LPAR1: variants seen among roughly 807,000 people sequenced by gnomAD.
The protein encoded by LPAR1 is lysophosphatidic acid receptor 1.
LPAR1 carries 5 observed loss-of-function variants against 23.8 expected under a neutral mutation model. That is an observed-to-expected ratio of 0.21 (90% CI 0.11 to 0.44). The LOEUF is 0.44. Among genes scored for constraint, LPAR1 ranks in the 20% least tolerant of loss-of-function variants. The probability of loss-of-function intolerance (pLI) is 0.99; values close to 1 mark genes in which losing one functional copy is unlikely to be tolerated. For synonymous variants in LPAR1, 160 were observed against 164.7 expected, an observed-to-expected ratio of 0.97 and a Z score of 0.22; for missense variants, 311 against 482.8, an observed-to-expected ratio of 0.64 and a Z score of 3.33.
At chr9:110,927,720 G>A (rs1487018961) in intron 5 of LPAR1, among the ~76,000 whole-genome samples, 12 of 152,026 alleles carry the variant, frequency 7.9e-5, no homozygotes, top group African/African-American at 2.9e-4. Context: ...GTAAACGTGA[G>A]AGGAAAAATA....
chr9:110,905,782 G>A (rs1360592342), intron 5 of LPAR1, among the ~76,000 whole-genome samples: 1 of 152,136 alleles, frequency 6.6e-6, no homozygotes, highest in Non-Finnish European at 1.5e-5. Context: ...AGTCTCTTAT[G>A]TTCTATGGAA....
chr9:110,946,577 A>G (rs368201826), intron 4 of LPAR1, among the ~76,000 whole-genome samples: 1 of 152,190 alleles, frequency 6.6e-6, no homozygotes. Context: ...ACAGTCACAG[A>G]AATGTGAGTA....
intron 5 of LPAR1, among the ~76,000 whole-genome samples, chr9:110,912,678 T>C (rs1588281361): frequency 6.6e-6 from 1 of 152,182 alleles, no homozygotes; most frequent in South Asian, 2.1e-4. Context: ...TATTGAAATA[T>C]AGCCATAAAT....
At chr9:111,023,212 G>C (rs2097598807) in intron 2 of LPAR1, among the ~76,000 whole-genome samples, 1 of 152,004 alleles carries the variant, frequency 6.6e-6, no homozygotes, top group Non-Finnish European at 1.5e-5. Flanking sequence ...CCACAAACAG[G>C]AAGGCCTACT....
intron 3 of LPAR1, 134 bp downstream of exon 3, chr9:110,973,347 T>C (rs1026709447): frequency 3.9e-5 from 6 of 152,210 alleles, no homozygotes; most frequent in Non-Finnish European, 7.3e-5. Context: ...ACACATTTAA[T>C]GGTAGAACCA....
intron 4 of LPAR1, among the ~76,000 whole-genome samples, chr9:110,950,704 C>T (rs550301985): frequency 2.5e-4 from 38 of 151,762 alleles, no homozygotes; most frequent in African/African-American, 7.5e-4. Context: ...AGAGCTCTAA[C>T]GTATCTAGGA....
At chr9:110,948,968 T>A (rs1301576397) in intron 4 of LPAR1, among the ~76,000 whole-genome samples, 1 of 151,452 alleles carries the variant, frequency 6.6e-6, no homozygotes, top group Non-Finnish European at 1.5e-5. Context: ...GGAAGTTTTG[T>A]CAAGCTCAGG....
chr9:110,970,523 A>T (rs746598144), intron 4 of LPAR1, among the ~76,000 whole-genome samples: 48 of 152,192 alleles, frequency 3.2e-4, no homozygotes, highest in Non-Finnish European at 5.9e-4. Context: ...AGGCCTTAGT[A>T]CTTTATTCTT....
At chr9:110,952,634 T>C (rs1250938597) in intron 4 of LPAR1, among the ~76,000 whole-genome samples, 1 of 152,184 alleles carries the variant, frequency 6.6e-6, no homozygotes, top group Non-Finnish European at 1.5e-5. Context: ...ACTCTGCTTA[T>C]AGCTGCTACC....
At chr9:111,027,267 G>C (rs989963988) in intron 2 of LPAR1, among the ~76,000 whole-genome samples, 1 of 152,086 alleles carries the variant, frequency 6.6e-6, no homozygotes, top group Non-Finnish European at 1.5e-5. Flanking sequence ...AACAGTTTGG[G>C]AAGTCAAGGT....
chr9:110,910,685 A>T (rs1190775231), intron 5 of LPAR1, among the ~76,000 whole-genome samples: 1 of 152,226 alleles, frequency 6.6e-6, no homozygotes, highest in East Asian at 1.9e-4. Context: ...AACATCCATG[A>T]TTCATAGTAG....
Position 110,941,764 on chromosome 9 carries a change from A to G in LPAR1, c.450T>C (p.Val150=). 1 of 1,614,172 alleles carries G rather than the reference A, an allele frequency of 6.2e-7. No individual in the cohort carries two copies. Among genetic ancestry groups the G allele is most frequent in the Non-Finnish European group, 8.5e-7 (1 of 1,180,022 alleles). ...TCCGTGTGTGGAGCTGCATGCGGAA[A>G]ACCGTAATGTGCCTCTCGATTGCAA... ...LAIAIERHIT[V]FRMQLHTRMS... Residue 150 remains valine (V), a synonymous_variant, in exon 5 of 6, where the codon GTT becomes GTC. Coordinates refer to ENST00000683809, the MANE Select transcript of LPAR1 (RefSeq NM_001351411.2). This position sits in a 1 kb window ranked among gnomAD's most constrained non-coding sequence, Gnocchi z 6.1.
chr9:110,995,115 C>T (rs1458449404), intron 2 of LPAR1, among the ~76,000 whole-genome samples: 1 of 152,076 alleles, frequency 6.6e-6, no homozygotes, highest in African/African-American at 2.4e-5. Context: ...AGAAATGTGA[C>T]GAGGTACCAT....
intron 5 of LPAR1, among the ~76,000 whole-genome samples, chr9:110,938,661 C>T (rs979692008): frequency 2.4e-4 from 36 of 150,856 alleles, no homozygotes; most frequent in African/African-American, 8.8e-4. Flanking sequence ...CAAGACCAGC[C>T]TGGGCAACAT....
chr9:110,991,232 C>T (rs185809162), intron 2 of LPAR1, among the ~76,000 whole-genome samples: 2 of 152,288 alleles, frequency 1.3e-5, no homozygotes, highest in East Asian at 3.9e-4. Context: ...GACATATTTG[C>T]TCATTTCTGC....
intron 5 of LPAR1, among the ~76,000 whole-genome samples, chr9:110,915,810 C>A (rs753204855): frequency 3.9e-5 from 6 of 152,084 alleles, no homozygotes; most frequent in Non-Finnish European, 8.8e-5. Context: ...ACGTTATCAT[C>A]AAAAACGAAA....
At chr9:110,940,522 T>A (rs1306461715) in intron 5 of LPAR1, among the ~76,000 whole-genome samples, 2 of 152,174 alleles carry the variant, frequency 1.3e-5, no homozygotes. Context: ...TAAAAGGTTT[T>A]CAAAAAAGAT....
At chr9:110,978,699 C>T (rs1241422049) in intron 2 of LPAR1, among the ~76,000 whole-genome samples, 1 of 152,110 alleles carries the variant, frequency 6.6e-6, no homozygotes, top group African/African-American at 2.4e-5. Flanking sequence ...AGCTAAATAG[C>T]ATCTGAAGCC....
chr9:111,027,576 C>G (rs940849191), intron 2 of LPAR1, among the ~76,000 whole-genome samples: 3 of 151,850 alleles, frequency 2.0e-5, no homozygotes, highest in African/African-American at 7.3e-5. Flanking sequence ...GTCCTGTCCT[C>G]ATCTAAGAAG....
Sources: gnomAD v4.1 joint callset for allele counts (sites outside exome capture counted in the v4.1 genomes callset) on GRCh38, gnomAD v4.1.1 for gene constraint, Gnocchi (gnomAD v3.1) non-coding constraint, MANE v1.5 for transcripts, NCBI Gene and HGNC (gene_info 2026-07-23, HGNC 2026-07-21) for gene names.